OR4E1: variants seen among roughly 807,000 people sequenced by gnomAD.
OR4E1 encodes the protein olfactory receptor family 4 subfamily E member 1, also known as olfactory receptor 4E1.
chr14:21,672,345 C>T (rs918649506), intron 1 of OR4E1, among the ~76,000 whole-genome samples: 2 of 152,264 alleles, frequency 1.3e-5, no homozygotes, highest in South Asian at 4.1e-4. Context: ...ATGAGTCAAC[C>T]CCACACTGCT....
Position 21,668,623 on chromosome 14 carries a change from A to G in OR4E1, c.*1365T>C, listed in dbSNP as rs1880766300. On this transcript the variant is annotated 3_prime_UTR_variant, in exon 2 of 2. Transcript: ENST00000641792. ...TCACCACATTCCATTCTGCTACACT[A>G]TGTGCCGCCACAGTGAGATTTAAGA... 1 of 152,070 alleles carries G rather than the reference A, an allele frequency of 6.6e-6. No individual in the cohort carries two copies. Among genetic ancestry groups the G allele is most frequent in the African/African-American group, 2.4e-5 (1 of 41,412 alleles). The allele number at this position is 152,070 out of a possible 1,614,324, so 9.4% of individuals were successfully genotyped here. A position where few individuals can be genotyped will look rare whatever the true frequency, so the allele number is the denominator to read the frequency against.
At position 21,670,146 on chromosome 14, in the gene OR4E1, G is replaced by A. The variant is rs748111535; in HGVS notation, c.790C>T (p.Arg264Cys). Residue 264 changes from arginine (R) to cysteine (C), a missense_variant, in exon 2 of 2, where the codon CGC becomes TGC. Physicochemically the swap from Arg to Cys is radical, Grantham distance 180. Coordinates refer to ENST00000641792, the MANE Select transcript of OR4E1 (RefSeq NM_001317107.2). The part of the protein sequence containing the change: ...FLGHCIFIYS[R>C]PSTSLPEDKV... ...TCCTCTGGGAGGCTGGTGGATGGGCGGGAATAGATGAAGATGCAGTGTCCC... is the reference window on the plus strand; with the variant it reads ...TCCTCTGGGAGGCTGGTGGATGGGCAGGAATAGATGAAGATGCAGTGTCCC... 1.5e-4 allele frequency: 61 copies of A among 398,782 alleles called. No individual in the cohort carries two copies. The highest frequency in any genetic ancestry group is 8.4e-4 in the Admixed American group (19 of 22,730). 24.7% of individuals were successfully genotyped at this position (398,782 alleles called of 1,614,324 possible). A position where few individuals can be genotyped will look rare whatever the true frequency, so the allele number is the denominator to read the frequency against.
rs1343188404 is a variant in OR4E1 at position 21,667,940 on chromosome 14, GTAAT to G, written c.*2044_*2047del. 2 of 152,566 alleles carry G rather than the reference GTAAT, an allele frequency of 1.3e-5. No individual in the cohort carries two copies. Among genetic ancestry groups the G allele is most frequent in the Non-Finnish European group, 2.9e-5 (2 of 68,026 alleles). The allele number at this position is 152,566 out of a possible 1,614,324, so 9.5% of individuals were successfully genotyped here. On this transcript the variant is annotated 3_prime_UTR_variant, in exon 2 of 2. Transcript: ENST00000641792. ...TTAAGACTCTCTATTTATTTAGTGAGTAATTAAATACATTTTTATCTTGTCTCTG... is the reference window on the plus strand; with the variant it reads ...TTAAGACTCTCTATTTATTTAGTGAGTAAATACATTTTTATCTTGTCTCTG...
In OR4E1 at chr14:21,669,205, A is replaced by C. The variant is rs971550798; in HGVS notation, c.*783T>G. ...CCTGCTGTTTTATAGCATTTATCAC[A>C]ATCTGTAGTTAAAATTTATTTGTTC... On this transcript the variant is annotated 3_prime_UTR_variant, in exon 2 of 2. Coordinates refer to ENST00000641792, the MANE Select transcript of OR4E1 (RefSeq NM_001317107.2). 1 of 152,184 alleles carries C rather than the reference A, an allele frequency of 6.6e-6. No individual in the cohort carries two copies. Among genetic ancestry groups the C allele is most frequent in the Non-Finnish European group, 1.5e-5 (1 of 68,030 alleles). The allele number at this position is 152,184 out of a possible 1,614,324, so 9.4% of individuals were successfully genotyped here. A position where few individuals can be genotyped will look rare whatever the true frequency, so the allele number is the denominator to read the frequency against.
At position 21,670,029 on chromosome 14, in the gene OR4E1, T is replaced by C. The variant is rs569588591; in HGVS notation, c.907A>G (p.Asn303Asp). Residue 303 changes from asparagine (N) to aspartate (D), a missense_variant, in exon 2 of 2, where the codon AAC becomes GAC. Transcript: ENST00000641792. ...CTCTCTTTTCTCCCCACTAACTTGT[T>C]TAAGGCACTCTTCATTTCTTCATTC... ...LRNEEMKSAL[N>D]KLVGRKERKE... is the part of the protein sequence containing the mutation. 37 of 398,664 alleles carry C rather than the reference T, an allele frequency of 9.3e-5. No individual in the cohort carries two copies. The highest frequency in any genetic ancestry group is 1.4e-4 in the Non-Finnish European group (31 of 226,114). The allele number at this position is 398,664 out of a possible 1,614,324, so 24.7% of individuals were successfully genotyped here.
chr14:21,672,068 T>C (rs1880984660), intron 1 of OR4E1, among the ~76,000 whole-genome samples: 1 of 152,156 alleles, frequency 6.6e-6, no homozygotes. Flanking sequence ...TGAAGCAGAA[T>C]ATGTCTTAGT....
At position 21,670,706 on chromosome 14, in the gene OR4E1, TG is replaced by T; in HGVS notation, c.229del (p.His77ThrfsTer10). ...LSNLSFIDVC[H>X]STVTVPKMLR... ...CATCTTGGGGACAGTGACAGTGGAG[TG>T]GCAGACATCAATAAAGGACAGGTTG... On this transcript the variant is annotated frameshift_variant, in exon 2 of 2. Coordinates refer to ENST00000641792, the MANE Select transcript of OR4E1 (RefSeq NM_001317107.2). LOFTEE classifies it low-confidence loss of function (END_TRUNC). 2.5e-6 allele frequency: 1 copy of T among 401,916 alleles called. No homozygotes were observed. Among genetic ancestry groups the T allele is most frequent in the Non-Finnish European group, 4.4e-6 (1 of 226,322 alleles). 24.9% of individuals were successfully genotyped at this position (401,916 alleles called of 1,614,324 possible).
Position 21,673,118 on chromosome 14 carries a change from G to A in OR4E1, c.-46C>T, listed in dbSNP as rs1362118422. 1 of 152,110 alleles carries A rather than the reference G, an allele frequency of 6.6e-6. No individual in the cohort carries two copies. The highest frequency in any genetic ancestry group is 1.5e-5 in the Non-Finnish European group (1 of 68,018). The allele number at this position is 152,110 out of a possible 1,614,324, so 9.4% of individuals were successfully genotyped here. On this transcript the variant is annotated 5_prime_UTR_variant, in exon 1 of 2. Transcript: ENST00000641792. Reference sequence around the variant, plus strand: ...GCTTTCTCCAATAAGAAAGGTGAGAGCCCTTGAAGTTCCCTCCTTAGGTCT... The same window carrying A: ...GCTTTCTCCAATAAGAAAGGTGAGAACCCTTGAAGTTCCCTCCTTAGGTCT...
Position 21,669,858 on chromosome 14 carries a change from A to G in OR4E1, c.*130T>C, listed in dbSNP as rs1409291537. The stretch of plus-strand genomic sequence containing the variant: ...GATATTAATAACCATAACGATTGCT[A>G]TGACTGTCAGATATTGGACCAAGGA... On this transcript the variant is annotated 3_prime_UTR_variant, in exon 2 of 2. Coordinates refer to ENST00000641792, the MANE Select transcript of OR4E1 (RefSeq NM_001317107.2). The G allele has an allele frequency of 1.5e-5, 6 of 394,440 alleles. No individual in the cohort carries two copies. Among genetic ancestry groups the G allele is most frequent in the Non-Finnish European group, 2.7e-5 (6 of 224,020 alleles). The allele number at this position is 394,440 out of a possible 1,614,324, so 24.4% of individuals were successfully genotyped here.
intron 1 of OR4E1, 69 bp from the exon 2 acceptor site, chr14:21,671,021 C>T: frequency 2.5e-6 from 1 of 397,764 alleles, no homozygotes; most frequent in Non-Finnish European, 4.4e-6. Context: ...CATTTAATTT[C>T]TTGTGTGTTT....
Position 21,670,763 on chromosome 14 carries a change from C to T in OR4E1, c.173G>A (p.Arg58Gln), listed in dbSNP as rs908774958. 5 of 401,078 alleles carry T rather than the reference C, an allele frequency of 1.2e-5. No homozygotes were observed. Among genetic ancestry groups the T allele is most frequent in the African/African-American group, 4.1e-5 (2 of 48,666 alleles). 24.8% of individuals were successfully genotyped at this position (401,078 alleles called of 1,614,324 possible). Residue 58 changes from arginine (R) to glutamine (Q), a missense_variant, in exon 2 of 2, where the codon CGG becomes CAG. By Grantham distance (43) the Arg-to-Gln change is conservative (BLOSUM62 1). Transcript: ENST00000641792. ...GAAGAAATACATGGGAGTATGGAGC[C>T]GGTGGTCATAGATAATAGTTATGAC... ...LIVITIIYDH[R>Q]LHTPMYFFLS... is the part of the protein sequence containing the mutation.
Position 21,669,888 on chromosome 14 carries a change from T to A in OR4E1, c.*100A>T, listed in dbSNP as rs1880837888. ...TGTCAGATATTGGACCAAGGATAGT[T>A]TTATAAGTCACATAGTCTGATAAAT... On this transcript the variant is annotated 3_prime_UTR_variant, in exon 2 of 2. Transcript: ENST00000641792. 2 of 396,902 alleles carry A rather than the reference T, an allele frequency of 5.0e-6. No homozygotes were observed. Among genetic ancestry groups the A allele is most frequent in the Non-Finnish European group, 8.9e-6 (2 of 225,502 alleles). The allele number at this position is 396,902 out of a possible 1,614,324, so 24.6% of individuals were successfully genotyped here. A position where few individuals can be genotyped will look rare whatever the true frequency, so the allele number is the denominator to read the frequency against.
Position 21,673,422 on chromosome 14 carries a change from C to CG in OR4E1, c.-351dup, listed in dbSNP as rs905324344. 294 of 151,680 alleles carry CG rather than the reference C, an allele frequency of 1.9e-3. 2 individuals carry two copies. The highest frequency in any genetic ancestry group is 6.7e-3 in the African/African-American group (275 of 41,346). 9.4% of individuals were successfully genotyped at this position (151,680 alleles called of 1,614,324 possible). A position where few individuals can be genotyped will look rare whatever the true frequency, so the allele number is the denominator to read the frequency against. On this transcript the variant is annotated 5_prime_UTR_variant, in exon 1 of 2. Transcript: ENST00000641792. The stretch of plus-strand genomic sequence containing the variant: ...CCACAGTCAAGCCCGGGCAACATGG[C>CG]GAAACCCCGTCTCTACAAAAAATAC...
At chr14:21,672,646 T>G (rs1031185481) in intron 1 of OR4E1, among the ~76,000 whole-genome samples, 4 of 152,188 alleles carry the variant, frequency 2.6e-5, no homozygotes, top group Non-Finnish European at 5.9e-5. Context: ...TATGGGAAAT[T>G]TCACCTGCAC....
chr14:21,670,979 A>C (rs60301742), intron 1 of OR4E1, 27 bp from the exon 2 acceptor site: 18,087 of 398,430 alleles, frequency 0.045, 663 homozygotes, highest in Admixed American at 0.14. Flanking sequence ...AAAAAGTCTA[A>C]TATAACACAG....
Position 21,673,198 on chromosome 14 carries a change from A to G in OR4E1, c.-126T>C, listed in dbSNP as rs780000734. On this transcript the variant is annotated 5_prime_UTR_variant, in exon 1 of 2. Transcript: ENST00000641792. ...ATGTATTTGGCGATATTTTCTGGTA[A>G]AAGGTACTATTTCAGGCTGTCTGTA... 2.0e-5 allele frequency: 3 copies of G among 152,150 alleles called. No homozygotes were observed. Among genetic ancestry groups the G allele is most frequent in the Non-Finnish European group, 2.9e-5 (2 of 68,028 alleles). 9.4% of individuals were successfully genotyped at this position (152,150 alleles called of 1,614,324 possible). A position where few individuals can be genotyped will look rare whatever the true frequency, so the allele number is the denominator to read the frequency against.
chr14:21,672,855 A>G (rs1881026392), intron 1 of OR4E1, among the ~76,000 whole-genome samples: 1 of 152,242 alleles, frequency 6.6e-6, no homozygotes, highest in African/African-American at 2.4e-5. Context: ...ATGGTGCACA[A>G]GAAGAAAACC....
rs1881050751 is a variant in OR4E1, at chr14:21,673,305, A to T, written c.-233T>A. On this transcript the variant is annotated 5_prime_UTR_variant, in exon 1 of 2. Transcript: ENST00000641792. ...TAATTCTGCACCAAGATTTTCTAGG[A>T]TTGGTTTCCAGTTAACAGAAAATGT... 1 of 152,074 alleles carries T rather than the reference A, an allele frequency of 6.6e-6. No homozygotes were observed. The highest frequency in any genetic ancestry group is 2.1e-4 in the South Asian group (1 of 4,824). The allele number at this position is 152,074 out of a possible 1,614,324, so 9.4% of individuals were successfully genotyped here. A position where few individuals can be genotyped will look rare whatever the true frequency, so the allele number is the denominator to read the frequency against.
rs974966372 is a variant in OR4E1 at position 21,668,946 on chromosome 14, A to G, written c.*1042T>C. On this transcript the variant is annotated 3_prime_UTR_variant, in exon 2 of 2. Transcript: ENST00000641792. ...GAAAGATTCTTTTTAGCTCTCTGAT[A>G]TCACTCTCTTGCCACTCTCTGCCTT... 2 of 152,214 alleles carry G rather than the reference A, an allele frequency of 1.3e-5. No individual in the cohort carries two copies. The highest frequency in any genetic ancestry group is 4.8e-5 in the African/African-American group (2 of 41,460). The allele number at this position is 152,214 out of a possible 1,614,324, so 9.4% of individuals were successfully genotyped here. A position where few individuals can be genotyped will look rare whatever the true frequency, so the allele number is the denominator to read the frequency against.
Sources: allele counts gnomAD v4.1 joint callset (sites outside exome capture counted in the v4.1 genomes callset), GRCh38; gene constraint gnomAD v4.1.1; transcripts MANE v1.5; gene names NCBI Gene and HGNC (gene_info 2026-07-23, HGNC 2026-07-21).